The following FSIP2 variants were observed in gnomAD, a reference collection of about 807,000 sequenced individuals.
The protein encoded by FSIP2 is fibrous sheath interacting protein 2, also known as fibrous sheath-interacting protein 2.
A neutral mutation model predicts 510.5 loss-of-function variants in FSIP2; 367 were observed. That is an observed-to-expected ratio of 0.72 (90% CI 0.66 to 0.78). The LOEUF (loss-of-function observed/expected upper bound fraction) is 0.78, where lower values mean the gene tolerates loss of function less well. Among genes scored for constraint, FSIP2 ranks in the 30% least tolerant of loss-of-function variants. The probability of loss-of-function intolerance (pLI) is 0.00; values close to 1 mark genes in which losing one functional copy is unlikely to be tolerated. For synonymous variants in FSIP2, 2,601 were observed against 2,732.2 expected (o/e 0.95, Z 1.50); for missense variants, 7,594 against 7,901.7 (o/e 0.96, Z 1.48).
rs1171609425 is a variant in FSIP2, at chr2:185,794,677, TTATATC to T, written c.7544_7549del (p.Ile2515_Ser2516del). ...CCTCCACTTAATGAAACTGCCAACTTTATATCTAATTCTAAGATTAAAACATCAGAC... is the reference window on the plus strand; with the variant it reads ...CCTCCACTTAATGAAACTGCCAACTTTAATTCTAAGATTAAAACATCAGAC... On this transcript the variant is annotated inframe_deletion, in exon 16 of 23. Coordinates refer to ENST00000424728, the MANE Select transcript of FSIP2 (RefSeq NM_173651.4). The T allele has an allele frequency of 2.5e-5, 38 of 1,533,710 alleles. No individual in the cohort carries two copies. The highest frequency in any genetic ancestry group is 2.9e-5 in the Non-Finnish European group (33 of 1,145,558).
intron 13 of FSIP2, among the ~76,000 whole-genome samples, chr2:185,777,397 TTTTTTTTTTTTTTTGC>T (rs918591418): frequency 7.2e-6 from 1 of 139,708 alleles, no homozygotes; most frequent in African/African-American, 2.7e-5. Flanking sequence ...ATTGTAGTTT[TTTTTTTTTTTTTTTGC>T]ACTCTTCCCT....
intron 13 of FSIP2, among the ~76,000 whole-genome samples, chr2:185,775,627 CTCTA>C (rs946127938): frequency 6.6e-6 from 1 of 152,008 alleles, no homozygotes; most frequent in Non-Finnish European, 1.5e-5. Flanking sequence ...CATCTGTTAA[CTCTA>C]TCTTCCAAAA....
At chr2:185,741,207 T>C (rs116673305) in intron 2 of FSIP2, among the ~76,000 whole-genome samples, 1 of 152,226 alleles carries the variant, frequency 6.6e-6, no homozygotes, top group Non-Finnish European at 1.5e-5. Flanking sequence ...CGACCATTAA[T>C]TCACTTGTCT....
chr2:185,768,690 T>C (rs1414516343), intron 13 of FSIP2, among the ~76,000 whole-genome samples: 1 of 152,156 alleles, frequency 6.6e-6, no homozygotes, highest in East Asian at 1.9e-4. Context: ...GATAAACTTA[T>C]GTCATGAGGG....
Position 185,795,810 on chromosome 2 carries a change from G to T in FSIP2, c.8674G>T (p.Glu2892Ter). 1 of 1,533,908 alleles carries T rather than the reference G, an allele frequency of 6.5e-7. No individual in the cohort carries two copies. Residue 2892 changes from glutamate (E) to a stop codon, truncating the protein, a stop_gained, in exon 16 of 23, where the codon GAA becomes TAA. Coordinates refer to ENST00000424728, the MANE Select transcript of FSIP2 (RefSeq NM_173651.4). LOFTEE classifies it high-confidence loss of function. ...AAATTTGCCCCCTCTTGAGAATTGT[G>T]AAAGCAGGTTTTATAATCATTTTAA... is the stretch of plus-strand genomic sequence containing the variant. Reference protein sequence around the residue: ...LLNLPPLENCESRFYNHFKGA... With the variant: ...LLNLPPLENC
rs750339043 is a variant in FSIP2 at position 185,745,616 on chromosome 2, A to G, written c.617+48A>G. On this transcript the variant is annotated intron_variant, in intron 5 of 22. Coordinates refer to ENST00000424728, the MANE Select transcript of FSIP2 (RefSeq NM_173651.4). ...TTTTATGGGTATGTTGTGGACCCAA[A>G]TAAGCTGGAAAATACTAGAAAGAAT... is the stretch of plus-strand genomic sequence containing the variant. 1.3e-5 allele frequency: 19 copies of G among 1,458,658 alleles called. No individual in the cohort carries two copies. In the South Asian group the frequency reaches 1.8e-4, roughly 14 times the overall value. The allele number at this position is 1,458,658 out of a possible 1,614,324, so 90.4% of individuals were successfully genotyped here. A position where few individuals can be genotyped will look rare whatever the true frequency, so the allele number is the denominator to read the frequency against.
rs1693636460 is a variant in FSIP2, at chr2:185,808,263, G to T, written c.18957G>T (p.Met6319Ile). The stretch of plus-strand genomic sequence containing the variant: ...TAGTTCTGGAAGCTGTCAAAATTAT[G>T]GAAAAAGTGATCAAAATTATTGATG... ...SELVLEAVKI[M>I]EKVIKIIDEL... is the part of the protein sequence containing the mutation. Residue 6319 changes from methionine (M) to isoleucine (I), a missense_variant, in exon 17 of 23, where the codon ATG (methionine) becomes ATT (isoleucine). By Grantham distance (10) the Met-to-Ile change is conservative. Coordinates refer to ENST00000424728, the MANE Select transcript of FSIP2 (RefSeq NM_173651.4). 1 of 1,600,186 alleles carries T rather than the reference G, an allele frequency of 6.2e-7. No homozygotes were observed. Among genetic ancestry groups the T allele is most frequent in the African/African-American group, 1.4e-5 (1 of 73,902 alleles).
In FSIP2 at chr2:185,806,437, G is replaced by C. The variant is rs1322086336; in HGVS notation, c.17131G>C (p.Gly5711Arg). The change falls in exon 17 of 23, where the codon GGT becomes CGT. Residue 5711 changes from glycine (G) to arginine (R), a missense_variant. Physicochemically the swap from Gly to Arg is moderately radical, Grantham distance 125. Transcript: ENST00000424728. The part of the protein sequence containing the change: ...SKLSYDQSPP[G>R]DNVLNVIQEI... ...ACTCAGTTATGACCAAAGCCCCCCA[G>C]GTGATAATGTATTAAATGTAATTCA... The C allele has an allele frequency of 5.0e-6, 8 of 1,611,966 alleles. No homozygotes were observed. Among genetic ancestry groups the C allele is most frequent in the Non-Finnish European group, 5.1e-6 (6 of 1,178,664 alleles).
Position 185,805,877 on chromosome 2 carries a change from A to G in FSIP2, c.16571A>G (p.Lys5524Arg). Residue 5524 changes from lysine to arginine, a missense_variant, in exon 17 of 23, where the codon AAA becomes AGA. Coordinates refer to ENST00000424728, the MANE Select transcript of FSIP2 (RefSeq NM_173651.4). The stretch of plus-strand genomic sequence containing the variant: ...AATAAAAAGGAAGTGGATGAAAATA[A>G]AGTGGGAATTTGTACTCAAAAACAT... ...VTNKKEVDEN[K>R]VGICTQKHSE... is the part of the protein sequence containing the mutation. 6.2e-7 allele frequency: 1 copy of G among 1,608,918 alleles called. No individual in the cohort carries two copies. The highest frequency in any genetic ancestry group is 8.5e-7 in the Non-Finnish European group (1 of 1,177,772).
At chr2:185,738,440 G>T, upstream of FSIP2, 1 of 643,192 alleles carries the variant, frequency 1.6e-6, no homozygotes, top group Non-Finnish European at 2.6e-6. Context: ...GGAAGAAGCT[G>T]TGGGAGCCTG....
At position 185,807,364 on chromosome 2, in the gene FSIP2, C is replaced by G; in HGVS notation, c.18058C>G (p.Leu6020Val). The stretch of plus-strand genomic sequence containing the variant: ...ATTTTTGGAGAATGTGATTTCTGCT[C>G]TTTTCTCCAAAATTTTCTCAACAAT... ...HKFLENVISA[L>V]FSKIFSTISS... Residue 6020 changes from leucine (L) to valine (V), a missense_variant, in exon 17 of 23, where the codon CTT becomes GTT. By Grantham distance (32) the Leu-to-Val change is conservative. Transcript: ENST00000424728. The G allele has an allele frequency of 6.2e-7, 1 of 1,609,280 alleles. No individual in the cohort carries two copies. The highest frequency in any genetic ancestry group is 8.5e-7 in the Non-Finnish European group (1 of 1,178,508).
Position 185,831,877 on chromosome 2 carries a change from T to C in FSIP2, c.20582T>C (p.Ile6861Thr), listed in dbSNP as rs1451008114. The C allele has an allele frequency of 6.9e-6, 11 of 1,586,928 alleles. No homozygotes were observed. Among genetic ancestry groups the C allele is most frequent in the East Asian group, 2.2e-5 (1 of 44,582 alleles). ...LGSANPSKEV[I>T]SETPKPDVSK... ...AGTGCAAATCCCTCAAAGGAAGTCA[T>C]TTCAGGTACAAAATGTACTATTTTA... Residue 6861 changes from isoleucine to threonine, a missense_variant, in exon 22 of 23, where the codon ATT (isoleucine) becomes ACT (threonine). Transcript: ENST00000424728.
chr2:185,757,194 A>C (rs1360304117), intron 9 of FSIP2, among the ~76,000 whole-genome samples: 1 of 151,428 alleles, frequency 6.6e-6, no homozygotes, highest in African/African-American at 2.4e-5. Context: ...TCTCAAGCAA[A>C]CTGATCCTGT....
At chr2:185,744,772 A>C (rs34801857) in intron 4 of FSIP2, 2 of 153,264 alleles carry the variant, frequency 1.3e-5, no homozygotes, top group African/African-American at 4.8e-5. Flanking sequence ...TAGGAAAAGA[A>C]CAATAATTAT....
chr2:185,739,456 G>C lies in FSIP2; in HGVS notation c.210G>C (p.Thr70=), dbSNP rs138531329. 262 of 1,504,530 alleles carry C rather than the reference G, an allele frequency of 1.7e-4. 1 individual carries two copies. The African/African-American group carries it at 3.4e-3, about 19-fold the overall frequency. 93.2% of individuals were successfully genotyped at this position (1,504,530 alleles called of 1,614,324 possible). The change falls in exon 2 of 23, where the codon ACG becomes ACC. Residue 70 remains threonine, a synonymous_variant. Transcript: ENST00000424728. ...GAAGCAATGCTGTATTCTATACTACGAATTTCGGTGAAAAGGTGAACAAGT... is the reference window on the plus strand; with the variant it reads ...GAAGCAATGCTGTATTCTATACTACCAATTTCGGTGAAAAGGTGAACAAGT... ...IPGSNAVFYT[T]NFGEKLFRPS...
In FSIP2 at chr2:185,801,757, T is replaced by C. The variant is rs1049746439; in HGVS notation, c.12451T>C (p.Leu4151=). ...TTTAGAAGATGTCATAAGAAGGCTT[T>C]TATCTCAGCTAATTCCTCCACCCAT... ...SFLEDVIRRL[L]SQLIPPPITC... is the part of the protein sequence containing the mutation. The change falls in exon 17 of 23, where the codon TTA becomes CTA. Residue 4151 remains leucine (L), a synonymous_variant. Coordinates refer to ENST00000424728, the MANE Select transcript of FSIP2 (RefSeq NM_173651.4). The C allele has an allele frequency of 3.7e-5, 56 of 1,527,086 alleles. No homozygotes were observed. Among genetic ancestry groups the C allele is most frequent in the Non-Finnish European group, 4.9e-5 (56 of 1,141,492 alleles). The allele number at this position is 1,527,086 out of a possible 1,614,324, so 94.6% of individuals were successfully genotyped here. A position where few individuals can be genotyped will look rare whatever the true frequency, so the allele number is the denominator to read the frequency against.
In FSIP2 at chr2:185,828,449, C is replaced by A. The variant is rs1272557216; in HGVS notation, c.20517+250C>A. Among the ~76,000 whole-genome samples the A allele has an allele frequency of 4.6e-5, 7 of 151,796 alleles. No homozygotes were observed. In the South Asian group the frequency reaches 1.2e-3, roughly 27 times the overall value. On this transcript the variant is annotated intron_variant, in intron 21 of 22. Coordinates refer to ENST00000424728, the MANE Select transcript of FSIP2 (RefSeq NM_173651.4). ...GTTTAGGGGCACAAAGTAATATACT[C>A]GTTCTCCCTAGCATCTAAGTACAAT...
Position 185,761,066 on chromosome 2 carries a change from A to C in FSIP2, c.1157A>C (p.Tyr386Ser). The change falls in exon 10 of 23, where the codon TAT becomes TCT. Residue 386 changes from tyrosine to serine, a missense_variant. Transcript: ENST00000424728. Reference protein sequence around the residue: ...FTKKNSASVVYQADVQDNGIN... With the variant: ...FTKKNSASVVSQADVQDNGIN... ...AAAAAAAACTCAGCTTCTGTTGTTT[A>C]TCAGGCAGATGTACAGGATAATGGT... 1 of 1,481,924 alleles carries C rather than the reference A, an allele frequency of 6.7e-7. No individual in the cohort carries two copies. Among genetic ancestry groups the C allele is most frequent in the Non-Finnish European group, 9.1e-7 (1 of 1,102,150 alleles). The allele number at this position is 1,481,924 out of a possible 1,614,324, so 91.8% of individuals were successfully genotyped here.
intron 4 of FSIP2, chr2:185,745,101 A>G (rs972043292): frequency 3.0e-5 from 5 of 164,082 alleles, no homozygotes; most frequent in African/African-American, 1.2e-4. Flanking sequence ...AAAAGGGTTA[A>G]ATACAAACAA....
Sources: allele counts gnomAD v4.1 joint callset (sites outside exome capture counted in the v4.1 genomes callset), GRCh38; gene constraint gnomAD v4.1.1; transcripts MANE v1.5; gene names NCBI Gene and HGNC (gene_info 2026-07-23, HGNC 2026-07-21).